The following IQGAP3 variants were observed in gnomAD, a reference collection of about 807,000 sequenced individuals.
The protein encoded by IQGAP3 is IQ motif containing GTPase activating protein 3.
In IQGAP3, 165 loss-of-function variants were observed where a neutral mutation model predicts 208.2. That is an observed-to-expected ratio of 0.79 (90% CI 0.70 to 0.90). The LOEUF is 0.90. IQGAP3 is among the 40% of genes least tolerant of loss of function. The pLI is 0.00. For synonymous variants in IQGAP3, 703 were observed against 803.6 expected (o/e 0.87, Z 2.12); for missense variants, 1,811 against 2,043.1 (o/e 0.89, Z 2.19).
chr1:156,567,497 T>C (rs1571368000), intron 2 of IQGAP3, among the ~76,000 whole-genome samples: 1 of 152,340 alleles, frequency 6.6e-6, no homozygotes, highest in South Asian at 2.1e-4. Flanking sequence ...TCAAATGAGC[T>C]AATGAATGTG....
chr1:156,570,933 C>A (rs969102519), intron 1 of IQGAP3, among the ~76,000 whole-genome samples: 1 of 152,202 alleles, frequency 6.6e-6, no homozygotes, highest in African/African-American at 2.4e-5. Flanking sequence ...TGAACTAGAT[C>A]TTAAGGAATA....
chr1:156,526,372 G>T lies in IQGAP3; in HGVS notation c.*114C>A. 1.4e-6 allele frequency: 1 copy of T among 719,218 alleles called. No homozygotes were observed. Among genetic ancestry groups the T allele is most frequent in the Non-Finnish European group, 2.5e-6 (1 of 405,878 alleles). The allele number at this position is 719,218 out of a possible 1,614,324, so 44.6% of individuals were successfully genotyped here. A position where few individuals can be genotyped will look rare whatever the true frequency, so the allele number is the denominator to read the frequency against. ...AGCTGGGGAAGGGGTGAGAATCCCTGGGCCTTGCCCAGTCCTGAGCTCTAG... is the reference window on the plus strand; with the variant it reads ...AGCTGGGGAAGGGGTGAGAATCCCTTGGCCTTGCCCAGTCCTGAGCTCTAG... On this transcript the variant is annotated 3_prime_UTR_variant, in exon 38 of 38. Transcript: ENST00000361170.
chr1:156,562,086 T>C, intron 9 of IQGAP3, 85 bp from the exon 10 acceptor site: 2 of 1,245,796 alleles, frequency 1.6e-6, no homozygotes, highest in Non-Finnish European at 2.2e-6. Flanking sequence ...TCTACCCTCT[T>C]CTTGCCTGCC....
chr1:156,566,138 C>G, intron 3 of IQGAP3, 34 bp from the exon 4 acceptor site: 2 of 1,563,680 alleles, frequency 1.3e-6, no homozygotes, highest in Non-Finnish European at 1.8e-6. Flanking sequence ...TCTATTTCCA[C>G]AGTTCTCAGC....
In IQGAP3 at chr1:156,563,793, G is replaced by T; in HGVS notation, c.469C>A (p.Gln157Lys). The change falls in exon 6 of 38, where the codon CAG (glutamine) becomes AAG (lysine). Residue 157 changes from glutamine (Q) to lysine (K), a missense_variant. Physicochemically the swap from Gln to Lys is moderately conservative, Grantham distance 53. Transcript: ENST00000361170. ...LFLFRLGLAP[Q>K]IHDLYGKVKF... ...ACTTTCCCGTATAGATCATGTATCT[G>T]AGGGGCCAATCCCAGCCGGAAGAGG... 1.9e-6 allele frequency: 3 copies of T among 1,614,038 alleles called. No homozygotes were observed. The highest frequency in any genetic ancestry group is 2.5e-6 in the Non-Finnish European group (3 of 1,179,978).
chr1:156,547,388 G>GACACACACACAC lies in IQGAP3; in HGVS notation c.2304+673_2304+684dup, dbSNP rs61344699. On this transcript the variant is annotated intron_variant, in intron 19 of 37. Transcript: ENST00000361170. ...ACAGACACACAGACACAGACACACA[G>GACACACACACAC]ACACACACACACACACACACACACA... 1.4e-3 allele frequency among the ~76,000 whole-genome samples: 202 copies of GACACACACACAC among 147,408 alleles called. 1 individual carries two copies. The highest frequency in any genetic ancestry group is 1.6e-3 in the Non-Finnish European group (105 of 66,696).
intron 19 of IQGAP3, among the ~76,000 whole-genome samples, chr1:156,546,168 A>G (rs904846379): frequency 1.3e-5 from 2 of 152,172 alleles, no homozygotes. Flanking sequence ...CTCACTACCC[A>G]ACCTCCACCA....
Position 156,538,980 on chromosome 1 carries a change from C to T in IQGAP3, c.3110G>A (p.Arg1037Lys), listed in dbSNP as rs1328634081. Reference sequence around the variant, plus strand: ...ATTACGGTAGAATCTCACCACCAGCCTCACCACTGTTGGGTTGCCTGTCAC... The same window carrying T: ...ATTACGGTAGAATCTCACCACCAGCTTCACCACTGTTGGGTTGCCTGTCAC... ...DVVTGNPTVV[R>K]LVVRFYRNGR... is the part of the protein sequence containing the mutation. Residue 1037 changes from arginine (R) to lysine (K), a missense_variant, in exon 26 of 38, where the codon AGG becomes AAG. By Grantham distance (26) the Arg-to-Lys change is conservative (BLOSUM62 2). Coordinates refer to ENST00000361170, the MANE Select transcript of IQGAP3 (RefSeq NM_178229.5). 1 of 1,614,202 alleles carries T rather than the reference C, an allele frequency of 6.2e-7. No individual in the cohort carries two copies. Among genetic ancestry groups the T allele is most frequent in the Admixed American group, 1.7e-5 (1 of 60,030 alleles).
intron 15 of IQGAP3, among the ~76,000 whole-genome samples, chr1:156,550,839 G>A (rs1675514801): frequency 6.6e-6 from 1 of 152,104 alleles, no homozygotes; most frequent in African/African-American, 2.4e-5. Flanking sequence ...ACCCGACAAG[G>A]TAGTGGGAAG....
chr1:156,538,123 C>T (rs566350489), intron 26 of IQGAP3, among the ~76,000 whole-genome samples: 3 of 152,222 alleles, frequency 2.0e-5, no homozygotes, highest in East Asian at 1.9e-4. Flanking sequence ...TGCAGTGGCA[C>T]GATCTCGGCT....
intron 3 of IQGAP3, 90 bp from the exon 4 acceptor site, chr1:156,566,194 A>G: frequency 7.6e-7 from 1 of 1,310,072 alleles, no homozygotes; most frequent in Non-Finnish European, 1.1e-6. Flanking sequence ...GATTCAGGAG[A>G]GATGGGCAGA....
chr1:156,531,114 T>C lies in IQGAP3; in HGVS notation c.4191+46A>G, dbSNP rs112139551. On this transcript the variant is annotated intron_variant, in intron 33 of 37. Coordinates refer to ENST00000361170, the MANE Select transcript of IQGAP3 (RefSeq NM_178229.5). Reference sequence around the variant, plus strand: ...CAGCAGCGGTGCAGGTGGGATGAGGTGGGGGATGAATGAGACAGAACCTGT... The same window carrying C: ...CAGCAGCGGTGCAGGTGGGATGAGGCGGGGGATGAATGAGACAGAACCTGT... 11,688 of 1,333,486 alleles carry C rather than the reference T, an allele frequency of 8.8e-3. 84 individuals are homozygous for C. The highest frequency in any genetic ancestry group is 0.023 in the Middle Eastern group (128 of 5,492). The allele number at this position is 1,333,486 out of a possible 1,614,324, so 82.6% of individuals were successfully genotyped here.
intron 16 of IQGAP3, among the ~76,000 whole-genome samples, 157 bp downstream of exon 16, chr1:156,550,104 T>G (rs1675473304): frequency 6.6e-6 from 1 of 152,162 alleles, no homozygotes; most frequent in African/African-American, 2.4e-5. Flanking sequence ...CATCCTGCAG[T>G]CTGAACAGCA....
rs74116893 is a variant in IQGAP3 at position 156,559,753 on chromosome 1, G to A, written c.1129+1181C>T. Reference sequence around the variant, plus strand: ...TCTAGGGAGAATAGATTGTTTGCTCGGCTGAATTGGATGGAATGTGAACAG... The same window carrying A: ...TCTAGGGAGAATAGATTGTTTGCTCAGCTGAATTGGATGGAATGTGAACAG... On this transcript the variant is annotated intron_variant, in intron 11 of 37. Coordinates refer to ENST00000361170, the MANE Select transcript of IQGAP3 (RefSeq NM_178229.5). 6.6e-3 allele frequency among the ~76,000 whole-genome samples: 998 copies of A among 152,314 alleles called. 6 individuals are homozygous for A. The highest frequency in any genetic ancestry group is 0.022 in the South Asian group (104 of 4,822).
intron 22 of IQGAP3, among the ~76,000 whole-genome samples, chr1:156,542,184 C>T (rs1675018507): frequency 6.6e-6 from 1 of 152,118 alleles, no homozygotes; most frequent in Non-Finnish European, 1.5e-5. Flanking sequence ...AGTAGGGGAA[C>T]AAATCTTTTT....
chr1:156,554,428 A>G, intron 12 of IQGAP3, 36 bp from the exon 13 acceptor site: 1 of 1,568,166 alleles, frequency 6.4e-7, no homozygotes, highest in Non-Finnish European at 8.6e-7. Context: ...CCAAGTGGGC[A>G]GGTGAAGGGT....
rs952501995 is a variant in IQGAP3, at chr1:156,534,853, A to T, written c.3508-120T>A. The T allele has an allele frequency of 3.0e-5, 23 of 755,214 alleles. No individual in the cohort carries two copies. The African/African-American group carries it at 3.9e-4, about 13-fold the overall frequency. 46.8% of individuals were successfully genotyped at this position (755,214 alleles called of 1,614,324 possible). On this transcript the variant is annotated intron_variant, in intron 28 of 37. Coordinates refer to ENST00000361170, the MANE Select transcript of IQGAP3 (RefSeq NM_178229.5). ...GGGCCAACCCCCTCACTTCAAAGAAAACAGGCCCAGAGCAGGCAGACAACT... is the reference window on the plus strand; with the variant it reads ...GGGCCAACCCCCTCACTTCAAAGAATACAGGCCCAGAGCAGGCAGACAACT...
chr1:156,548,618 T>TC lies in IQGAP3; in HGVS notation c.1955dup (p.Ala653SerfsTer22). 1 of 1,608,464 alleles carries TC rather than the reference T, an allele frequency of 6.2e-7. No individual in the cohort carries two copies. Among genetic ancestry groups the TC allele is most frequent in the Non-Finnish European group, 8.5e-7 (1 of 1,176,342 alleles). On this transcript the variant is annotated frameshift_variant, in exon 17 of 38. Coordinates refer to ENST00000361170, the MANE Select transcript of IQGAP3 (RefSeq NM_178229.5). LOFTEE classifies it high-confidence loss of function. ...TCTTTGCCATGGCACTTTCCAGGGCTCGCTGGTAGCCGTTGGCACAGTCGG... is the reference window on the plus strand; with the variant it reads ...TCTTTGCCATGGCACTTTCCAGGGCTCCGCTGGTAGCCGTTGGCACAGTCGG...
At position 156,566,304 on chromosome 1, in the gene IQGAP3, T is replaced by G. The variant is rs1676395130; in HGVS notation, c.282+86A>C. On this transcript the variant is annotated intron_variant, in intron 3 of 37. Transcript: ENST00000361170. The stretch of plus-strand genomic sequence containing the variant: ...CTTTTATCCAGATTTGGACAATAAG[T>G]TATATGGTCACTCTACCCTCACAGC... The G allele has an allele frequency of 2.9e-6, 4 of 1,401,064 alleles. No individual in the cohort carries two copies. In the Admixed American group the frequency reaches 5.5e-5, roughly 19 times the overall value. The allele number at this position is 1,401,064 out of a possible 1,614,324, so 86.8% of individuals were successfully genotyped here. A position where few individuals can be genotyped will look rare whatever the true frequency, so the allele number is the denominator to read the frequency against.
Sources: gnomAD v4.1 joint callset for allele counts (sites outside exome capture counted in the v4.1 genomes callset) on GRCh38, gnomAD v4.1.1 for gene constraint, MANE v1.5 for transcripts, NCBI Gene and HGNC (gene_info 2026-07-23, HGNC 2026-07-21) for gene names.